Variants in DSCAM observed in about 807,000 individuals in gnomAD.
DSCAM encodes the protein cell adhesion molecule DSCAM.
Under a neutral mutation model 217.7 loss-of-function variants are expected in DSCAM, and 47 were observed. The observed-to-expected ratio is 0.22, with a 90% CI of 0.17 to 0.28. DSCAM has a LOEUF of 0.28. Among genes scored for constraint, DSCAM ranks in the 10% least tolerant of loss-of-function variants. The pLI is 1.00. For missense variants in DSCAM, 2,080 were observed against 2,618.3 expected (o/e 0.79, Z 4.49); for synonymous variants, 1,056 against 1,015.3 (o/e 1.04, Z -0.76).
In DSCAM at chr21:40,776,018, T is replaced by C. The variant is rs530639270; in HGVS notation, c.44-67247A>G. 3.9e-4 allele frequency among the ~76,000 whole-genome samples: 60 copies of C among 152,316 alleles called. No individual in the cohort carries two copies. In the South Asian group the frequency reaches 0.012, roughly 32 times the overall value. ...CCTTTTTAGCCTGTTTCTTTATGAA[T>C]ATGTGCTGTCTGTTCCTAACTGTTA... On this transcript the variant is annotated intron_variant, in intron 1 of 32. Coordinates refer to ENST00000400454, the MANE Select transcript of DSCAM (RefSeq NM_001389.5).
At chr21:40,104,202 T>C (rs2089789440) in intron 20 of DSCAM, among the ~76,000 whole-genome samples, 1 of 152,182 alleles carries the variant, frequency 6.6e-6, no homozygotes, top group Admixed American at 6.5e-5. Flanking sequence ...ACATTATTAA[T>C]TTAACTTGAT....
chr21:40,585,527 A>G (rs1601766844), intron 3 of DSCAM, among the ~76,000 whole-genome samples: 1 of 152,178 alleles, frequency 6.6e-6, no homozygotes, highest in African/African-American at 2.4e-5. Context: ...AGCAAAATAC[A>G]TGGGCAATTT....
chr21:40,134,368 T>C (rs2090185805), intron 18 of DSCAM, among the ~76,000 whole-genome samples: 1 of 152,134 alleles, frequency 6.6e-6, no homozygotes, highest in African/African-American at 2.4e-5. Flanking sequence ...AGCAGCACAC[T>C]TAGGGCGACA....
chr21:40,458,463 T>C (rs1325603816), intron 3 of DSCAM, among the ~76,000 whole-genome samples: 2 of 151,720 alleles, frequency 1.3e-5, no homozygotes, highest in African/African-American at 4.8e-5. Context: ...CATACATATG[T>C]AAATAATAAG....
At chr21:40,115,181 T>C (rs1418885287) in intron 20 of DSCAM, among the ~76,000 whole-genome samples, 1 of 152,168 alleles carries the variant, frequency 6.6e-6, no homozygotes, top group South Asian at 2.1e-4. Context: ...CCAGCAATGA[T>C]AGACTGGATT....
intron 3 of DSCAM, among the ~76,000 whole-genome samples, chr21:40,460,192 A>G (rs1487994897): frequency 6.6e-6 from 1 of 152,142 alleles, no homozygotes; most frequent in African/African-American, 2.4e-5. Flanking sequence ...ATACCTAGGT[A>G]ATGGGTTGAT....
intron 31 of DSCAM, 108 bp downstream of exon 31, chr21:40,043,970 A>G (rs1030680989): frequency 4.5e-6 from 5 of 1,118,682 alleles, no homozygotes; most frequent in Non-Finnish European, 6.5e-6. Context: ...AAAAGAACAT[A>G]AGTAAGAGGG....
At chr21:40,270,647 G>C (rs561480856) in intron 11 of DSCAM, among the ~76,000 whole-genome samples, 1 of 152,320 alleles carries the variant, frequency 6.6e-6, no homozygotes, top group Non-Finnish European at 1.5e-5. Flanking sequence ...TGTTGGAAGA[G>C]GGGCTTGGTG....
At chr21:40,653,861 C>A (rs935667110) in intron 3 of DSCAM, among the ~76,000 whole-genome samples, 5 of 152,102 alleles carry the variant, frequency 3.3e-5, no homozygotes, top group Admixed American at 2.0e-4. Context: ...CTTTGGGAGG[C>A]CAAGGCAGGC....
intron 3 of DSCAM, among the ~76,000 whole-genome samples, chr21:40,456,385 G>C (rs1046108723): frequency 4.0e-5 from 6 of 151,666 alleles, no homozygotes; most frequent in Non-Finnish European, 7.4e-5. Context: ...GAAACTATTG[G>C]GATAACATCT....
intron 3 of DSCAM, among the ~76,000 whole-genome samples, chr21:40,521,235 C>T (rs2076356142): frequency 2.6e-5 from 4 of 152,154 alleles, no homozygotes; most frequent in Admixed American, 2.6e-4. Context: ...TGCTAAACAT[C>T]TTAAAATACA....
chr21:40,735,338 A>G (rs774087820), intron 1 of DSCAM, among the ~76,000 whole-genome samples: 30 of 152,352 alleles, frequency 2.0e-4, no homozygotes, highest in Admixed American at 2.6e-4. Context: ...CTAGTTAAGG[A>G]ACGTATACAA....
intron 15 of DSCAM, among the ~76,000 whole-genome samples, chr21:40,171,380 G>C (rs1013581386): frequency 6.6e-6 from 1 of 152,114 alleles, no homozygotes; most frequent in African/African-American, 2.4e-5. Context: ...GCCAGGCCCA[G>C]GTCTGGTATT....
intron 11 of DSCAM, among the ~76,000 whole-genome samples, chr21:40,215,976 A>T (rs2091239542): frequency 6.6e-6 from 1 of 151,844 alleles, no homozygotes; most frequent in African/African-American, 2.4e-5. Flanking sequence ...ATTTGTGCTC[A>T]AGACTACTAT....
chr21:40,489,934 T>C (rs1421109552), intron 3 of DSCAM, among the ~76,000 whole-genome samples: 1 of 152,164 alleles, frequency 6.6e-6, no homozygotes, highest in Non-Finnish European at 1.5e-5. Flanking sequence ...GGTGTGTTAG[T>C]CTGCTCTTAT....
At chr21:40,376,938 C>T (rs1266043069) in intron 3 of DSCAM, among the ~76,000 whole-genome samples, 4 of 151,950 alleles carry the variant, frequency 2.6e-5, no homozygotes, top group African/African-American at 7.3e-5. Context: ...TGCAGTACCT[C>T]GGGATGTGAC....
At chr21:40,804,863 C>T (rs573346273) in intron 1 of DSCAM, among the ~76,000 whole-genome samples, 20 of 152,158 alleles carry the variant, frequency 1.3e-4, no homozygotes, top group African/African-American at 4.3e-4. Flanking sequence ...CTTAACTTCC[C>T]GCTGCTACAT....
intron 9 of DSCAM, among the ~76,000 whole-genome samples, chr21:40,301,864 G>A (rs1279879845): frequency 1.3e-5 from 2 of 152,316 alleles, no homozygotes; most frequent in Non-Finnish European, 1.5e-5. Flanking sequence ...AAAGCCTGAG[G>A]TCTTTGAGAA....
At chr21:40,170,732 A>C (rs1221715372) in intron 15 of DSCAM, among the ~76,000 whole-genome samples, 1 of 152,156 alleles carries the variant, frequency 6.6e-6, no homozygotes, top group Non-Finnish European at 1.5e-5. Flanking sequence ...ATCCTTGAAA[A>C]ATGATTTTTG....
Sources: allele counts gnomAD v4.1 joint callset (sites outside exome capture counted in the v4.1 genomes callset), GRCh38; gene constraint gnomAD v4.1.1; transcripts MANE v1.5; gene names NCBI Gene and HGNC (gene_info 2026-07-23, HGNC 2026-07-21).